CPED1: variants seen among roughly 807,000 people sequenced by gnomAD.
CPED1 encodes cadherin-like and PC-esterase domain-containing protein 1.
A neutral mutation model predicts 128.2 loss-of-function variants in CPED1; 114 were observed. The observed-to-expected ratio is 0.89, with a 90% CI of 0.76 to 1.04. The LOEUF is 1.04. Among genes scored for constraint, CPED1 ranks in the 50% least tolerant of loss-of-function variants. CPED1 has a pLI of 0.00. For missense variants in CPED1, 1,211 were observed against 1,207.1 expected (o/e 1.00, Z -0.05); for synonymous variants, 462 against 426.7 (o/e 1.08, Z -1.02).
chr7:121,260,758 G>A (rs540579345), intron 18 of CPED1, among the ~76,000 whole-genome samples: 2 of 152,168 alleles, frequency 1.3e-5, no homozygotes, highest in Admixed American at 1.3e-4. Flanking sequence ...GAAGGTTCTA[G>A]TGGGTTCCTG....
chr7:121,274,282 A>C (rs573173951), intron 22 of CPED1, among the ~76,000 whole-genome samples: 2 of 152,138 alleles, frequency 1.3e-5, no homozygotes, highest in Non-Finnish European at 2.9e-5. Context: ...AACCATCAGC[A>C]CTAGAATATT....
At chr7:121,259,698 A>T (rs541277266) in intron 18 of CPED1, among the ~76,000 whole-genome samples, 1 of 152,144 alleles carries the variant, frequency 6.6e-6, no homozygotes, top group South Asian at 2.1e-4. Context: ...AACTGCAAAA[A>T]CTTAGAAGCC....
chr7:120,990,798 G>C (rs1796297817), intron 2 of CPED1, among the ~76,000 whole-genome samples: 1 of 152,190 alleles, frequency 6.6e-6, no homozygotes, highest in Non-Finnish European at 1.5e-5. Context: ...GTTACCGTTT[G>C]AAGTAGAATT....
intron 16 of CPED1, among the ~76,000 whole-genome samples, chr7:121,226,264 G>C (rs1325080379): frequency 6.6e-6 from 1 of 152,002 alleles, no homozygotes; most frequent in Non-Finnish European, 1.5e-5. Flanking sequence ...GTTGGAGTTT[G>C]CTAGAAGTCC....
chr7:121,216,326 G>A (rs1259829787), intron 16 of CPED1, among the ~76,000 whole-genome samples: 1 of 151,956 alleles, frequency 6.6e-6, no homozygotes, highest in Admixed American at 6.6e-5. Flanking sequence ...AAGGAGGAGG[G>A]AAGTAAAAGG....
intron 16 of CPED1, among the ~76,000 whole-genome samples, chr7:121,217,988 ATT>A (rs35530961): frequency 2.1e-5 from 3 of 144,016 alleles, no homozygotes; most frequent in African/African-American, 2.6e-5. Context: ...GTTTTTGCCA[ATT>A]TTTTTTTTTT....
chr7:121,044,842 C>T (rs887381839), intron 3 of CPED1, among the ~76,000 whole-genome samples: 26 of 151,754 alleles, frequency 1.7e-4, no homozygotes, highest in Admixed American at 1.2e-3. Flanking sequence ...AAGAAGGGTA[C>T]GCTTTAGACG....
intron 16 of CPED1, among the ~76,000 whole-genome samples, chr7:121,189,992 G>A (rs1797098926): frequency 6.6e-6 from 1 of 151,406 alleles, no homozygotes; most frequent in South Asian, 2.1e-4. Context: ...AACAAAAAGA[G>A]ACAAAAATCT....
At chr7:121,129,289 A>ATATATATATATATATACG (rs1554438748) in intron 11 of CPED1, among the ~76,000 whole-genome samples, 1 of 93,368 alleles carries the variant, frequency 1.1e-5, no homozygotes, top group Non-Finnish European at 2.1e-5. Context: ...GTATATATGT[A>ATATATATATATATATACG]TATATATATA....
At chr7:121,180,508 G>A (rs978518249) in intron 16 of CPED1, among the ~76,000 whole-genome samples, 1 of 151,820 alleles carries the variant, frequency 6.6e-6, no homozygotes, top group East Asian at 1.9e-4. Context: ...AATACATCAT[G>A]GAATTCATGA....
chr7:121,106,618 T>A (rs1337673981), intron 7 of CPED1, among the ~76,000 whole-genome samples: 1 of 152,002 alleles, frequency 6.6e-6, no homozygotes, highest in African/African-American at 2.4e-5. Flanking sequence ...GAGGATAGAA[T>A]GTATGTTTCC....
At position 121,114,126 on chromosome 7, in the gene CPED1, G is replaced by A. The variant is rs563894866; in HGVS notation, c.919-10205G>A. Among the ~76,000 whole-genome samples the A allele has an allele frequency of 5.3e-5, 8 of 152,184 alleles. No individual in the cohort carries two copies. In the East Asian group the frequency reaches 1.2e-3, roughly 22 times the overall value. The stretch of plus-strand genomic sequence containing the variant: ...ATTACAGGCATGAGCCACCACGCCC[G>A]GCCTTATTTGAAACTTTTAAGAAAC... On this transcript the variant is annotated intron_variant, in intron 7 of 22. Coordinates refer to ENST00000310396, the MANE Select transcript of CPED1 (RefSeq NM_024913.5).
chr7:121,065,752 A>AT (rs956247001), intron 5 of CPED1, among the ~76,000 whole-genome samples: 1 of 151,874 alleles, frequency 6.6e-6, no homozygotes, highest in Non-Finnish European at 1.5e-5. Flanking sequence ...TGCTTCAAAC[A>AT]TTTTTTTTAT....
At chr7:121,250,777 G>A (rs1030806968) in intron 18 of CPED1, among the ~76,000 whole-genome samples, 21 of 152,088 alleles carry the variant, frequency 1.4e-4, no homozygotes, top group Non-Finnish European at 2.8e-4. Flanking sequence ...GGAAGAAGTT[G>A]AATCTCTGAA....
intron 16 of CPED1, among the ~76,000 whole-genome samples, chr7:121,211,180 A>G (rs564895252): frequency 6.6e-6 from 1 of 152,186 alleles, no homozygotes; most frequent in East Asian, 1.9e-4. Flanking sequence ...ACCATAGGGA[A>G]AGATAAAAAA....
At chr7:121,086,880 A>C (rs1044251121) in intron 5 of CPED1, among the ~76,000 whole-genome samples, 2 of 152,184 alleles carry the variant, frequency 1.3e-5, no homozygotes, top group Non-Finnish European at 2.9e-5. Context: ...AAATTCATGC[A>C]CTTTTGCTCT....
chr7:121,005,486 C>G (rs1791986368), intron 2 of CPED1, among the ~76,000 whole-genome samples: 1 of 150,904 alleles, frequency 6.6e-6, no homozygotes, highest in African/African-American at 2.4e-5. Flanking sequence ...GGGAACATCA[C>G]ACACTGGGGT....
At chr7:121,291,347 G>T (rs984086072) in intron 22 of CPED1, among the ~76,000 whole-genome samples, 1 of 152,208 alleles carries the variant, frequency 6.6e-6, no homozygotes, top group Non-Finnish European at 1.5e-5. Flanking sequence ...AAAGTCAATG[G>T]TTCCTTGATG....
In CPED1 at chr7:121,142,990, G is replaced by GT. The variant is rs1176788334; in HGVS notation, c.2055+855dup. On this transcript the variant is annotated intron_variant, in intron 16 of 22. Coordinates refer to ENST00000310396, the MANE Select transcript of CPED1 (RefSeq NM_024913.5). ...CCTTGATAGGTAGCATGGTTACCAT[G>GT]TTTTTTATAAATGTAACAGCCAGGC... is the stretch of plus-strand genomic sequence containing the variant. Among the ~76,000 whole-genome samples the GT allele has an allele frequency of 7.2e-5, 11 of 151,978 alleles. No homozygotes were observed. In the East Asian group the frequency reaches 2.1e-3, roughly 29 times the overall value.
Sources: allele counts gnomAD v4.1 joint callset (sites outside exome capture counted in the v4.1 genomes callset), GRCh38; gene constraint gnomAD v4.1.1; transcripts MANE v1.5; gene names NCBI Gene and HGNC (gene_info 2026-07-23, HGNC 2026-07-21).